The following CSNK1G1 variants were observed in gnomAD, a reference collection of about 807,000 sequenced individuals.
CSNK1G1 encodes casein kinase 1 gamma 1.
In CSNK1G1, 22 loss-of-function variants were observed where a neutral mutation model predicts 59.6. The observed-to-expected ratio is 0.37, with a 90% confidence interval of 0.26 to 0.53. The LOEUF is 0.53. Among genes scored for constraint, CSNK1G1 ranks in the 20% least tolerant of loss-of-function variants. The pLI is 0.89. For missense variants in CSNK1G1, 384 were observed against 519.5 expected, an observed-to-expected ratio of 0.74 and a Z score of 2.54; for synonymous variants, 179 against 177.1, an observed-to-expected ratio of 1.01 and a Z score of -0.08.
intron 1 of CSNK1G1, among the ~76,000 whole-genome samples, chr15:64,354,288 G>A (rs1898507534): frequency 6.6e-6 from 1 of 152,198 alleles, no homozygotes; most frequent in South Asian, 2.1e-4. Context: ...CTGGGTGATA[G>A]AGCAAGACTC....
intron 1 of CSNK1G1, among the ~76,000 whole-genome samples, chr15:64,336,826 T>C (rs1172845678): frequency 6.6e-6 from 1 of 152,196 alleles, no homozygotes; most frequent in Non-Finnish European, 1.5e-5. Context: ...GAGATTTACA[T>C]TACAGAAAAT....
At chr15:64,293,240 A>C (rs546375115) in intron 2 of CSNK1G1, among the ~76,000 whole-genome samples, 1 of 152,232 alleles carries the variant, frequency 6.6e-6, no homozygotes, top group Admixed American at 6.5e-5. Flanking sequence ...AAATCTTCAT[A>C]ATTCTCCTTT....
rs60763700 is a variant in CSNK1G1, at chr15:64,199,086, GAA to G, written c.1107+3994_1107+3995del. Among the ~76,000 whole-genome samples, 748 of 136,874 alleles carry G rather than the reference GAA, an allele frequency of 5.5e-3. 10 individuals carry two copies. The highest frequency in any genetic ancestry group is 0.018 in the African/African-American group (680 of 37,870). The allele number at this position is 136,874 out of a possible 152,430, so 89.8% of individuals were successfully genotyped here. ...GTGAAACTGTCTCTACAGAAAATAC[GAA>G]AAAAAAAAAAAAATTAGCTGGGCGT... On this transcript the variant is annotated intron_variant, in intron 10 of 11. Transcript: ENST00000303052.
At chr15:64,239,786 G>A (rs553985749) in intron 4 of CSNK1G1, among the ~76,000 whole-genome samples, 1 of 152,190 alleles carries the variant, frequency 6.6e-6, no homozygotes, top group African/African-American at 2.4e-5. Context: ...ATTCAACTAA[G>A]AGATAGATAT....
intron 2 of CSNK1G1, among the ~76,000 whole-genome samples, chr15:64,294,962 T>A (rs1894940800): frequency 6.9e-6 from 1 of 144,348 alleles, no homozygotes; most frequent in African/African-American, 2.6e-5. Flanking sequence ...CCAGGCGCGG[T>A]GGCTCATGCC....
At chr15:64,314,846 G>A (rs568945225) in intron 1 of CSNK1G1, among the ~76,000 whole-genome samples, 23 of 152,244 alleles carry the variant, frequency 1.5e-4, no homozygotes, top group South Asian at 6.2e-4. Flanking sequence ...ATGTGTGTGC[G>A]TGTGTGTGTA....
chr15:64,337,156 A>T (rs1897429515), intron 1 of CSNK1G1, among the ~76,000 whole-genome samples: 1 of 152,108 alleles, frequency 6.6e-6, no homozygotes, highest in African/African-American at 2.4e-5. Context: ...TGAACCTGGG[A>T]GGTGGAGGTT....
intron 1 of CSNK1G1, among the ~76,000 whole-genome samples, chr15:64,322,494 T>C (rs529899381): frequency 2.0e-5 from 3 of 151,748 alleles, no homozygotes; most frequent in East Asian, 4.0e-4. Flanking sequence ...TGAGCCGCCA[T>C]GTCTGGCCCA....
At chr15:64,189,183 T>C (rs2081938152) in intron 10 of CSNK1G1, among the ~76,000 whole-genome samples, 1 of 152,168 alleles carries the variant, frequency 6.6e-6, no homozygotes, top group African/African-American at 2.4e-5. Flanking sequence ...CTGGTTCTTC[T>C]AGCTAACAGC....
chr15:64,327,479 A>G (rs1896910972), intron 1 of CSNK1G1, among the ~76,000 whole-genome samples: 1 of 147,818 alleles, frequency 6.8e-6, no homozygotes, highest in Admixed American at 6.8e-5. Context: ...TGTTAGAAGG[A>G]AAACTAACAA....
intron 2 of CSNK1G1, among the ~76,000 whole-genome samples, chr15:64,271,347 G>A (rs903107678): frequency 1.3e-5 from 2 of 151,638 alleles, no homozygotes; most frequent in Non-Finnish European, 2.9e-5. Context: ...GACTACAATG[G>A]CCCCATCTTG....
In CSNK1G1 at chr15:64,200,499, C is replaced by T. The variant is rs1159413100; in HGVS notation, c.1107+2583G>A. 6.6e-6 allele frequency among the ~76,000 whole-genome samples: 1 copy of T among 152,014 alleles called. No homozygotes were observed. Among genetic ancestry groups the T allele is most frequent in the African/African-American group, 2.4e-5 (1 of 41,412 alleles). On this transcript the variant is annotated intron_variant, in intron 10 of 11. Coordinates refer to ENST00000303052, the MANE Select transcript of CSNK1G1 (RefSeq NM_022048.5). This position sits in a 1 kb window ranked among gnomAD's most constrained non-coding sequence, Gnocchi z 4.3. ...TAGCCGGGATTTGAGGCATGTGCCACCACACCCAGCTAATTTTTATATTTT... is the reference window on the plus strand; with the variant it reads ...TAGCCGGGATTTGAGGCATGTGCCATCACACCCAGCTAATTTTTATATTTT...
At chr15:64,336,255 ATC>A (rs10547644) in intron 1 of CSNK1G1, among the ~76,000 whole-genome samples, 120,143 of 151,890 alleles carry the variant, frequency 0.79, 48,763 homozygotes, top group East Asian at 0.95. Context: ...ACTAGATTCG[ATC>A]TCTCTCATTT....
chr15:64,185,762 G>C (rs2081884048), intron 10 of CSNK1G1, among the ~76,000 whole-genome samples: 1 of 151,398 alleles, frequency 6.6e-6, no homozygotes, highest in Non-Finnish European at 1.5e-5. Flanking sequence ...TGCTCTAGAG[G>C]CTGACAGGAG....
intron 10 of CSNK1G1, among the ~76,000 whole-genome samples, chr15:64,190,387 A>G (rs2081954635): frequency 6.6e-6 from 1 of 152,188 alleles, no homozygotes. Context: ...CCAAAATAAG[A>G]CTGGTGTACA....
intron 1 of CSNK1G1, among the ~76,000 whole-genome samples, chr15:64,309,126 A>C (rs1207790914): frequency 2.0e-5 from 3 of 152,086 alleles, no homozygotes; most frequent in African/African-American, 7.2e-5. Flanking sequence ...TATTTCCCAA[A>C]ACAAGCAATT....
intron 2 of CSNK1G1, among the ~76,000 whole-genome samples, chr15:64,272,490 T>C (rs1286667240): frequency 6.6e-6 from 1 of 152,076 alleles, no homozygotes; most frequent in African/African-American, 2.4e-5. Flanking sequence ...GTGCTGGGAT[T>C]ACAGGTGTGA....
intron 10 of CSNK1G1, among the ~76,000 whole-genome samples, chr15:64,201,750 G>GTT (rs397961590): frequency 0.013 from 1,375 of 106,268 alleles, 32 homozygotes; most frequent in African/African-American, 0.052. Flanking sequence ...GTGTGTGTGT[G>GTT]TTTATATACT....
At chr15:64,222,135 A>G (rs924442139) in intron 4 of CSNK1G1, among the ~76,000 whole-genome samples, 1 of 152,114 alleles carries the variant, frequency 6.6e-6, no homozygotes, top group Admixed American at 6.6e-5. Flanking sequence ...AGGGACATGA[A>G]TGAAGCTGGA....
Sources: allele counts gnomAD v4.1 joint callset (sites outside exome capture counted in the v4.1 genomes callset), GRCh38; gene constraint gnomAD v4.1.1; non-coding constraint Gnocchi (gnomAD v3.1); transcripts MANE v1.5; gene names NCBI Gene and HGNC (gene_info 2026-07-23, HGNC 2026-07-21).